ABI2: variants seen among roughly 807,000 people sequenced by gnomAD.
ABI2 encodes abelson interactor 2.
A neutral mutation model predicts 59.2 loss-of-function variants in ABI2; 25 were observed. The observed-to-expected ratio is 0.42, with a 90% CI of 0.31 to 0.59. The LOEUF (loss-of-function observed/expected upper bound fraction) is 0.59, where lower values mean the gene tolerates loss of function less well. ABI2 is among the 20% of genes least tolerant of loss of function. The pLI, the probability that ABI2 is intolerant of heterozygous loss-of-function variation, is 0.14. For missense variants in ABI2, 545 were observed against 681.8 expected, an observed-to-expected ratio of 0.80 and a Z score of 2.23; for synonymous variants, 213 against 235.5, an observed-to-expected ratio of 0.90 and a Z score of 0.87.
intron 4 of ABI2, among the ~76,000 whole-genome samples, chr2:203,384,473 T>C (rs953116865): frequency 6.6e-6 from 1 of 151,688 alleles, no homozygotes; most frequent in African/African-American, 2.4e-5. Context: ...TGCCTGGCTA[T>C]TTTTTAACAA....
At chr2:203,372,568 C>A (rs1167116109) in intron 2 of ABI2, among the ~76,000 whole-genome samples, 1 of 150,380 alleles carries the variant, frequency 6.6e-6, no homozygotes, top group African/African-American at 2.5e-5. Flanking sequence ...CTGACCCCCC[C>A]ACCTCCCTCC....
chr2:203,412,572 T>G (rs2097721114), intron 10 of ABI2, among the ~76,000 whole-genome samples: 1 of 152,146 alleles, frequency 6.6e-6, no homozygotes, highest in African/African-American at 2.4e-5. Flanking sequence ...CGTGACTTCA[T>G]AAGATGTTTT....
intron 4 of ABI2, among the ~76,000 whole-genome samples, chr2:203,388,166 C>T (rs1039694698): frequency 1.3e-5 from 2 of 151,928 alleles, no homozygotes; most frequent in Non-Finnish European, 1.5e-5. Flanking sequence ...TTTTACTTAG[C>T]GTAGAAACAT....
chr2:203,382,143 T>A, intron 3 of ABI2, 46 bp from the exon 4 acceptor site: 2 of 1,497,176 alleles, frequency 1.3e-6, no homozygotes, highest in Non-Finnish European at 1.8e-6. Context: ...AACCTTTCAA[T>A]GCTTTTTTTC....
intron 1 of ABI2, among the ~76,000 whole-genome samples, chr2:203,332,197 T>G (rs938327406): frequency 1.3e-5 from 2 of 152,246 alleles, no homozygotes; most frequent in Non-Finnish European, 2.9e-5. Context: ...TTCTAAAATA[T>G]GATAAACAGG....
chr2:203,349,176 A>T (rs1362034539), intron 1 of ABI2, among the ~76,000 whole-genome samples: 1 of 151,838 alleles, frequency 6.6e-6, no homozygotes, highest in East Asian at 1.9e-4. Context: ...TCCTGAACTC[A>T]AACAGTCTGC....
chr2:203,394,983 CCTCT>C lies in ABI2; in HGVS notation c.725+143_725+146del, dbSNP rs1017927774. On this transcript the variant is annotated intron_variant, in intron 6 of 11. Transcript: ENST00000261018. ...TTCTCCCAAACCTCATCTGATTTCA[CCTCT>C]CTCTCCTCATGTTCTGATTCAACTT... is the stretch of plus-strand genomic sequence containing the variant. 4 of 937,618 alleles carry C rather than the reference CCTCT, an allele frequency of 4.3e-6. No individual in the cohort carries two copies. In the South Asian group the frequency reaches 5.6e-5, roughly 13 times the overall value. 58.1% of individuals were successfully genotyped at this position (937,618 alleles called of 1,614,324 possible). A position where few individuals can be genotyped will look rare whatever the true frequency, so the allele number is the denominator to read the frequency against.
chr2:203,383,167 G>T (rs55860222), intron 4 of ABI2: 2 of 154,660 alleles, frequency 1.3e-5, no homozygotes, highest in Non-Finnish European at 2.9e-5. Context: ...TGTAGAAAGT[G>T]ATGACAAGAT....
At chr2:203,425,798 G>A (rs534401879) in intron 11 of ABI2, among the ~76,000 whole-genome samples, 1 of 151,988 alleles carries the variant, frequency 6.6e-6, no homozygotes, top group Admixed American at 6.5e-5. Context: ...GAGGCAAGTG[G>A]ATCACCTGAG....
At chr2:203,367,539 G>A (rs2094574892) in intron 2 of ABI2, 1 of 151,448 alleles carries the variant, frequency 6.6e-6, no homozygotes, top group African/African-American at 2.4e-5. Context: ...TCATGGGCTT[G>A]TAAAAGTTTT....
intron 1 of ABI2, among the ~76,000 whole-genome samples, chr2:203,335,489 C>T (rs1176565495): frequency 1.3e-5 from 2 of 152,140 alleles, no homozygotes; most frequent in Admixed American, 6.5e-5. Flanking sequence ...CTTGGAACAC[C>T]TGGGCTCAAG....
chr2:203,331,874 A>G (rs1206601010), intron 1 of ABI2, among the ~76,000 whole-genome samples: 1 of 144,778 alleles, frequency 6.9e-6, no homozygotes, highest in Non-Finnish European at 1.5e-5. Flanking sequence ...CAGTGGCGCG[A>G]TCTCAGCTCA....
intron 9 of ABI2, among the ~76,000 whole-genome samples, chr2:203,405,325 G>A (rs1056684366): frequency 1.3e-5 from 2 of 152,010 alleles, no homozygotes; most frequent in South Asian, 2.1e-4. Flanking sequence ...CTTTTTGCAA[G>A]ACTTAATGAT....
chr2:203,342,455 G>A (rs1243396577), intron 1 of ABI2, among the ~76,000 whole-genome samples: 1 of 152,128 alleles, frequency 6.6e-6, no homozygotes, highest in Non-Finnish European at 1.5e-5. Flanking sequence ...AATAGGGGAA[G>A]CCAACAAGGG....
At chr2:203,394,649 T>C in intron 5 of ABI2, 51 bp from the exon 6 acceptor site, 1 of 1,559,458 alleles carries the variant, frequency 6.4e-7, no homozygotes, top group Non-Finnish European at 8.7e-7. Flanking sequence ...TTTGAATTTA[T>C]TGTGCCGAAA....
chr2:203,350,359 G>A (rs1251946295), intron 1 of ABI2, among the ~76,000 whole-genome samples: 1 of 151,862 alleles, frequency 6.6e-6, no homozygotes, highest in Non-Finnish European at 1.5e-5. Flanking sequence ...AACGGTCTCT[G>A]TTTTTAAGAG....
chr2:203,397,530 T>C (rs2097053394), intron 8 of ABI2, among the ~76,000 whole-genome samples: 1 of 152,190 alleles, frequency 6.6e-6, no homozygotes, highest in Non-Finnish European at 1.5e-5. Context: ...GGAGATAGAC[T>C]CAATTGCTAC....
chr2:203,420,691 CCG>C (rs1358485473), intron 11 of ABI2, among the ~76,000 whole-genome samples: 1 of 152,120 alleles, frequency 6.6e-6, no homozygotes, highest in Non-Finnish European at 1.5e-5. Flanking sequence ...CCACGCCCAG[CCG>C]ACAGTCCCTT....
At chr2:203,416,748 T>C (rs539299257) in intron 10 of ABI2, among the ~76,000 whole-genome samples, 160 bp from the exon 11 acceptor site, 82 of 152,308 alleles carry the variant, frequency 5.4e-4, no homozygotes, top group African/African-American at 1.9e-3. Context: ...TCTAGAACGT[T>C]ATAGTTGGTG....
Sources: gnomAD v4.1 joint callset for allele counts (sites outside exome capture counted in the v4.1 genomes callset) on GRCh38, gnomAD v4.1.1 for gene constraint, MANE v1.5 for transcripts, NCBI Gene and HGNC (gene_info 2026-07-23, HGNC 2026-07-21) for gene names.